TRPC7: variants seen among roughly 807,000 people sequenced by gnomAD.
TRPC7 encodes the protein transient receptor potential cation channel subfamily C member 7.
A neutral mutation model predicts 90.1 loss-of-function variants in TRPC7; 42 were observed. The ratio of observed to expected loss-of-function variants is 0.47; its 90% CI spans 0.36 to 0.60. The LOEUF is 0.60. TRPC7 is among the 20% of genes least tolerant of loss of function. TRPC7 has a pLI of 0.00. For synonymous variants in TRPC7, 451 were observed against 436.3 expected (o/e 1.03, Z -0.42); for missense variants, 955 against 1,112.3 (o/e 0.86, Z 2.01).
At chr5:136,316,596 AG>A (rs1759034427) in intron 2 of TRPC7, among the ~76,000 whole-genome samples, 1 of 152,032 alleles carries the variant, frequency 6.6e-6, no homozygotes. Context: ...TCCTTTCCCT[AG>A]GTATACCTGT....
chr5:136,313,333 G>A (rs979661823), intron 3 of TRPC7, among the ~76,000 whole-genome samples: 4 of 152,104 alleles, frequency 2.6e-5, no homozygotes, highest in Admixed American at 6.5e-5. Context: ...TCTTGGAAAT[G>A]TTTTATAGTT....
chr5:136,306,778 A>T (rs1758646909), intron 3 of TRPC7, among the ~76,000 whole-genome samples: 1 of 151,782 alleles, frequency 6.6e-6, no homozygotes, highest in African/African-American at 2.4e-5. Flanking sequence ...AATCTCCCCC[A>T]CCCTTAAGAA....
chr5:136,338,798 T>C (rs1759749560), intron 2 of TRPC7, among the ~76,000 whole-genome samples: 1 of 152,170 alleles, frequency 6.6e-6, no homozygotes, highest in South Asian at 2.1e-4. Flanking sequence ...AGGGCTACAA[T>C]GGCATTTTCC....
intron 5 of TRPC7, among the ~76,000 whole-genome samples, chr5:136,262,336 T>C (rs941212357): frequency 1.3e-5 from 2 of 152,238 alleles, no homozygotes; most frequent in Non-Finnish European, 2.9e-5. Context: ...GTCTCTTTGC[T>C]GTTCCTTGAA....
chr5:136,330,211 C>A (rs1484734422), intron 2 of TRPC7, among the ~76,000 whole-genome samples: 2 of 152,186 alleles, frequency 1.3e-5, no homozygotes, highest in African/African-American at 4.8e-5. Flanking sequence ...TCTGTGCACC[C>A]ATTAGGATGT....
chr5:136,279,447 G>A (rs533499610), intron 3 of TRPC7, among the ~76,000 whole-genome samples: 1 of 152,302 alleles, frequency 6.6e-6, no homozygotes, highest in East Asian at 1.9e-4. Flanking sequence ...GAGCTGTGGC[G>A]GGGCTTTCTG....
chr5:136,342,777 T>C (rs1759884019), intron 2 of TRPC7, among the ~76,000 whole-genome samples: 1 of 152,222 alleles, frequency 6.6e-6, no homozygotes, highest in African/African-American at 2.4e-5. Flanking sequence ...CAAATTACTA[T>C]ACAGCCTTGT....
At chr5:136,306,480 C>T (rs1473064454) in intron 3 of TRPC7, among the ~76,000 whole-genome samples, 1 of 152,130 alleles carries the variant, frequency 6.6e-6, no homozygotes, top group Non-Finnish European at 1.5e-5. Flanking sequence ...CCCATTCTCT[C>T]TCCATACCAC....
intron 5 of TRPC7, among the ~76,000 whole-genome samples, chr5:136,261,509 C>G (rs1444090274): frequency 6.6e-6 from 1 of 152,220 alleles, no homozygotes; most frequent in Non-Finnish European, 1.5e-5. Context: ...ATCCCATTCC[C>G]TGTTGCCTAC....
chr5:136,216,728 T>C (rs1755281907), intron 10 of TRPC7, among the ~76,000 whole-genome samples: 1 of 152,172 alleles, frequency 6.6e-6, no homozygotes, highest in Admixed American at 6.5e-5. Flanking sequence ...GAGGTCACAG[T>C]GAGCAGTGTG....
chr5:136,230,440 C>G lies in TRPC7; in HGVS notation c.2040+914G>C, dbSNP rs556408196. ...TCACAAATGAATCACATTCCCTTTTCTTTCTCTCTTACACAAGAGAGAGCC... is the reference window on the plus strand; with the variant it reads ...TCACAAATGAATCACATTCCCTTTTGTTTCTCTCTTACACAAGAGAGAGCC... On this transcript the variant is annotated intron_variant, in intron 8 of 11. Transcript: ENST00000513104. 4.6e-5 allele frequency among the ~76,000 whole-genome samples: 7 copies of G among 152,290 alleles called. No individual in the cohort carries two copies. The South Asian group carries it at 1.4e-3, about 32-fold the overall frequency.
intron 3 of TRPC7, among the ~76,000 whole-genome samples, chr5:136,288,911 G>C (rs576020276): frequency 6.6e-6 from 1 of 152,276 alleles, no homozygotes; most frequent in South Asian, 2.1e-4. Context: ...TATCAGCTAA[G>C]GATCTGTAAC....
At chr5:136,271,222 T>A (rs536519109) in intron 4 of TRPC7, among the ~76,000 whole-genome samples, 2 of 152,186 alleles carry the variant, frequency 1.3e-5, no homozygotes, top group Non-Finnish European at 2.9e-5. Context: ...TACAAAGATA[T>A]AAGGTTGGAT....
intron 2 of TRPC7, among the ~76,000 whole-genome samples, chr5:136,337,436 G>C: frequency 6.6e-6 from 1 of 152,198 alleles, no homozygotes; most frequent in East Asian, 1.9e-4. Context: ...GGGAAGCCAA[G>C]GTGGGCGGAT....
At chr5:136,310,400 C>G (rs564244551) in intron 3 of TRPC7, among the ~76,000 whole-genome samples, 1 of 152,226 alleles carries the variant, frequency 6.6e-6, no homozygotes, top group African/African-American at 2.4e-5. Context: ...CGAGTGGGTC[C>G]TCTCCACCCT....
At chr5:136,358,973 G>T (rs1002589726) in intron 1 of TRPC7, among the ~76,000 whole-genome samples, 10 of 151,770 alleles carry the variant, frequency 6.6e-5, no homozygotes, top group African/African-American at 1.9e-4. Flanking sequence ...TTTTTAATTT[G>T]TTATGTCTTC....
intron 2 of TRPC7, among the ~76,000 whole-genome samples, chr5:136,328,778 G>C (rs1478572015): frequency 3.3e-5 from 5 of 152,252 alleles, no homozygotes; most frequent in African/African-American, 1.2e-4. Context: ...CATAAGCACA[G>C]ATAACTTGTC....
intron 7 of TRPC7, among the ~76,000 whole-genome samples, chr5:136,241,325 A>ATGGGC (rs1756155562): frequency 6.6e-6 from 1 of 152,274 alleles, no homozygotes; most frequent in African/African-American, 2.4e-5. Context: ...TATAGAAAAG[A>ATGGGC]TGGGCTGAGA....
chr5:136,241,641 C>A (rs189851395), intron 7 of TRPC7, among the ~76,000 whole-genome samples: 1 of 152,070 alleles, frequency 6.6e-6, no homozygotes, highest in Non-Finnish European at 1.5e-5. Context: ...CTGCAACCTC[C>A]GCCTCCCAGG....
Sources: allele counts gnomAD v4.1 joint callset (sites outside exome capture counted in the v4.1 genomes callset), GRCh38; gene constraint gnomAD v4.1.1; transcripts MANE v1.5; gene names NCBI Gene and HGNC (gene_info 2026-07-23, HGNC 2026-07-21).